KIAA1671: variants seen among roughly 807,000 people sequenced by gnomAD.
KIAA1671 encodes uncharacterized protein KIAA1671.
KIAA1671 carries 52 observed loss-of-function variants against 131.2 expected under a neutral mutation model. The observed-to-expected ratio is 0.40, with a 90% CI of 0.32 to 0.50. KIAA1671 has a LOEUF of 0.50. Ranked by LOEUF, KIAA1671 falls within the 20% of genes least tolerant of loss-of-function variation. KIAA1671 has a pLI of 0.73. For missense variants in KIAA1671, 2,360 were observed against 2,364.2 expected, an observed-to-expected ratio of 1.00 and a Z score of 0.04; for synonymous variants, 1,003 against 961.6, an observed-to-expected ratio of 1.04 and a Z score of -0.80.
At chr22:25,167,738 G>A (rs1179310922) in intron 6 of KIAA1671, among the ~76,000 whole-genome samples, 1 of 152,170 alleles carries the variant, frequency 6.6e-6, no homozygotes, top group Non-Finnish European at 1.5e-5. Context: ...TAGCCATTTA[G>A]CAGGGGTGAC....
chr22:25,114,995 T>C (rs529751479), intron 6 of KIAA1671, among the ~76,000 whole-genome samples: 81 of 152,352 alleles, frequency 5.3e-4, no homozygotes, highest in Non-Finnish European at 7.9e-4. Flanking sequence ...AAGAATCTAT[T>C]GCGGGCACAA....
At chr22:25,119,084 G>A (rs2145925931) in intron 6 of KIAA1671, among the ~76,000 whole-genome samples, 1 of 152,268 alleles carries the variant, frequency 6.6e-6, no homozygotes, top group East Asian at 1.9e-4. Flanking sequence ...GTCCATGAGG[G>A]CCAGGGCTTT....
At chr22:25,169,825 A>AGG (rs1568990144) in intron 6 of KIAA1671, among the ~76,000 whole-genome samples, 2 of 152,216 alleles carry the variant, frequency 1.3e-5, no homozygotes. Flanking sequence ...CAACAGCCCA[A>AGG]GGGATTGATG....
intron 6 of KIAA1671, among the ~76,000 whole-genome samples, chr22:25,150,813 A>G (rs1305138075): frequency 6.9e-6 from 1 of 145,686 alleles, no homozygotes; most frequent in Admixed American, 6.8e-5. Flanking sequence ...GTGTTGGTTT[A>G]TGACTGTGTT....
intron 5 of KIAA1671, among the ~76,000 whole-genome samples, chr22:25,045,817 C>T (rs1187703646): frequency 6.6e-6 from 1 of 152,072 alleles, no homozygotes; most frequent in African/African-American, 2.4e-5. Context: ...TTTTGAACTC[C>T]TGGCCTCAAG....
chr22:24,998,967 T>C (rs922696801), intron 1 of KIAA1671, among the ~76,000 whole-genome samples: 3 of 152,092 alleles, frequency 2.0e-5, no homozygotes, highest in Admixed American at 2.0e-4. Flanking sequence ...GAAACTGTTA[T>C]GAGCATTCAT....
intron 6 of KIAA1671, chr22:25,111,805 C>T (rs1482606162): frequency 6.9e-6 from 1 of 143,944 alleles, no homozygotes; most frequent in Non-Finnish European, 1.5e-5. Context: ...GGGACCGTCA[C>T]GCCCTGGAGT....
At position 25,195,871 on chromosome 22, in the gene KIAA1671, T is replaced by A. The variant is rs1181883575; in HGVS notation, c.*3470T>A. On this transcript the variant is annotated 3_prime_UTR_variant, in exon 13 of 13. Transcript: ENST00000358431. ...CATTCTGTGGTCTCTGAATGTGCCT[T>A]CCCCCTCACCGTGTGTTAAAACACA... The A allele has an allele frequency of 6.6e-6, 1 of 151,914 alleles. No individual in the cohort carries two copies. 9.4% of individuals were successfully genotyped at this position (151,914 alleles called of 1,614,324 possible).
intron 6 of KIAA1671, among the ~76,000 whole-genome samples, chr22:25,097,773 T>C (rs1471459467): frequency 6.6e-6 from 1 of 150,894 alleles, no homozygotes; most frequent in Non-Finnish European, 1.5e-5. Flanking sequence ...CAAAAACCAC[T>C]CAAAACACAA....
chr22:24,985,444 A>G, intron 1 of KIAA1671, among the ~76,000 whole-genome samples: 1 of 151,082 alleles, frequency 6.6e-6, no homozygotes. Flanking sequence ...GGTTCACGCC[A>G]TTCTCCTGCC....
chr22:25,180,640 G>A (rs927577371), intron 9 of KIAA1671, among the ~76,000 whole-genome samples: 3 of 152,180 alleles, frequency 2.0e-5, no homozygotes, highest in East Asian at 1.9e-4. Context: ...AAAACATCTT[G>A]TAGGTGCCTT....
At chr22:25,109,015 C>T (rs1313949655) in intron 6 of KIAA1671, among the ~76,000 whole-genome samples, 1 of 152,176 alleles carries the variant, frequency 6.6e-6, no homozygotes, top group Non-Finnish European at 1.5e-5. Flanking sequence ...AGCATCCTCA[C>T]AACATGGCGG....
rs1258682902 is a variant in KIAA1671, at chr22:25,099,690, T to G, written c.4530+50326T>G. On this transcript the variant is annotated intron_variant, in intron 6 of 12. Transcript: ENST00000358431. ...CCACCATACCTGGCTAATTTTTGTA[T>G]TTTTAGTAGAGATGGGGTTTCACCA... 2.6e-5 allele frequency among the ~76,000 whole-genome samples: 4 copies of G among 151,964 alleles called. No homozygotes were observed. In the East Asian group the frequency reaches 7.7e-4, roughly 29 times the overall value.
intron 4 of KIAA1671, among the ~76,000 whole-genome samples, chr22:25,034,773 T>C (rs926892154): frequency 7.4e-4 from 113 of 152,244 alleles, no homozygotes; most frequent in African/African-American, 2.6e-3. Flanking sequence ...AGTCTCGCTC[T>C]GTTGCCCAGG....
chr22:25,190,647 G>A (rs555444069), intron 11 of KIAA1671, 55 bp from the exon 12 acceptor site: 25 of 1,451,378 alleles, frequency 1.7e-5, no homozygotes, highest in Admixed American at 1.4e-4. Flanking sequence ...AGTCCTGCCC[G>A]CAAGGAGCCC....
At chr22:24,962,961 C>T (rs1602028779) in intron 1 of KIAA1671, among the ~76,000 whole-genome samples, 1 of 150,718 alleles carries the variant, frequency 6.6e-6, no homozygotes, top group African/African-American at 2.5e-5. Context: ...GAGCTCTGAT[C>T]TAAGAAGTAT....
At chr22:25,138,592 T>A in intron 6 of KIAA1671, among the ~76,000 whole-genome samples, 1 of 152,320 alleles carries the variant, frequency 6.6e-6, no homozygotes, top group South Asian at 2.1e-4. Context: ...GATCCCTGAG[T>A]TGAACATTCA....
intron 6 of KIAA1671, among the ~76,000 whole-genome samples, chr22:25,104,280 C>T (rs754986643): frequency 1.3e-5 from 2 of 152,184 alleles, no homozygotes; most frequent in South Asian, 2.1e-4. Flanking sequence ...CTCCTGGCCC[C>T]ACCTTCTTTA....
chr22:25,029,320 A>T lies in KIAA1671; in HGVS notation c.1321A>T (p.Ile441Phe). 1 of 1,543,916 alleles carries T rather than the reference A, an allele frequency of 6.5e-7. No homozygotes were observed. Among genetic ancestry groups the T allele is most frequent in the South Asian group, 1.2e-5 (1 of 83,060 alleles). The change falls in exon 3 of 13, where the codon ATC (isoleucine) becomes TTC (phenylalanine). Residue 441 changes from isoleucine to phenylalanine, a missense_variant. Coordinates refer to ENST00000358431, the MANE Select transcript of KIAA1671 (RefSeq NM_001145206.2). ...WASRRSVRKCISLFREDSTLA... is the reference protein window; with the variant it reads ...WASRRSVRKCFSLFREDSTLA... The stretch of plus-strand genomic sequence containing the variant: ...CTCCAGGAGGAGTGTCAGGAAGTGC[A>T]TCAGCCTGTTTCGGGAGGACAGCAC...
Sources: gnomAD v4.1 joint callset for allele counts (sites outside exome capture counted in the v4.1 genomes callset) on GRCh38, gnomAD v4.1.1 for gene constraint, MANE v1.5 for transcripts, NCBI Gene and HGNC (gene_info 2026-07-23, HGNC 2026-07-21) for gene names.